The following PTGER3 variants were observed in gnomAD, a reference collection of about 807,000 sequenced individuals.
PTGER3 encodes the protein prostaglandin E2 receptor EP3 subtype.
A neutral mutation model predicts 34.7 loss-of-function variants in PTGER3; 22 were observed. The ratio of observed to expected loss-of-function variants is 0.63; its 90% CI spans 0.45 to 0.91. PTGER3 has a LOEUF of 0.91. PTGER3 is among the 40% of genes least tolerant of loss of function. The probability of loss-of-function intolerance (pLI) is 0.00; values close to 1 mark genes in which losing one functional copy is unlikely to be tolerated. For missense variants in PTGER3, 468 were observed against 519.4 expected (o/e 0.90, Z 0.96); for synonymous variants, 241 against 230.1 (o/e 1.05, Z -0.43).
intron 2 of PTGER3, among the ~76,000 whole-genome samples, chr1:70,991,876 C>A (rs537152437): frequency 1.9e-4 from 29 of 152,206 alleles, no homozygotes; most frequent in African/African-American, 7.0e-4. Context: ...TGTGTCCTTG[C>A]TCAAAGAAAT....
At chr1:70,952,757 C>G in exon 4 of PTGER3, 1 of 1,296,018 alleles carries the variant, frequency 7.7e-7, no homozygotes, top group South Asian at 2.5e-5. Context: ...CATGTTTGCC[C>G]AAATGACCTG....
intron 4 of PTGER3, among the ~76,000 whole-genome samples, chr1:70,889,363 C>T (rs569978931): frequency 2.9e-4 from 41 of 140,834 alleles, no homozygotes; most frequent in Non-Finnish European, 5.4e-4. Context: ...TGCAGTGAGC[C>T]GAGATCACGC....
chr1:70,874,236 T>G (rs1276592975), intron 4 of PTGER3, among the ~76,000 whole-genome samples: 3 of 152,204 alleles, frequency 2.0e-5, no homozygotes, highest in African/African-American at 7.2e-5. Context: ...CAGAACTGCA[T>G]GTACTCACAC....
chr1:71,006,616 A>G, intron 2 of PTGER3: 2 of 978,450 alleles, frequency 2.0e-6, no homozygotes, highest in Non-Finnish European at 2.4e-6. Flanking sequence ...AAGAAACATC[A>G]TGTTGAAAAT....
intron 2 of PTGER3, among the ~76,000 whole-genome samples, chr1:70,976,487 A>C (rs1467215566): frequency 6.6e-6 from 1 of 152,092 alleles, no homozygotes; most frequent in Non-Finnish European, 1.5e-5. Context: ...TCTGCTATGG[A>C]CTGCTCCAAA....
chr1:70,921,907 A>G (rs1380885775), intron 4 of PTGER3, among the ~76,000 whole-genome samples: 1 of 152,182 alleles, frequency 6.6e-6, no homozygotes. Context: ...AATAAGTTCT[A>G]AATCAAATAT....
At chr1:70,930,411 A>ACTCCC (rs1414942594) in intron 4 of PTGER3, among the ~76,000 whole-genome samples, 2 of 151,768 alleles carry the variant, frequency 1.3e-5, no homozygotes, top group African/African-American at 2.4e-5. Context: ...TATAATTCCC[A>ACTCCC]CTCCCAGGTC....
chr1:70,947,262 ATGT>A (rs1407795534), intron 4 of PTGER3: 1 of 152,106 alleles, frequency 6.6e-6, no homozygotes, highest in Non-Finnish European at 1.5e-5. Flanking sequence ...GAATTCCCAC[ATGT>A]TGTGGGAGGG....
At chr1:70,935,802 G>C (rs1390650266) in intron 4 of PTGER3, among the ~76,000 whole-genome samples, 2 of 151,718 alleles carry the variant, frequency 1.3e-5, no homozygotes, top group Admixed American at 1.3e-4. Flanking sequence ...GATGGGTGGA[G>C]ATTTCCAAGA....
intron 4 of PTGER3, among the ~76,000 whole-genome samples, chr1:70,924,501 G>A: frequency 6.6e-6 from 1 of 152,244 alleles, no homozygotes; most frequent in East Asian, 1.9e-4. Context: ...CAAGAGGGAT[G>A]GGTAATGTAA....
intron 4 of PTGER3, among the ~76,000 whole-genome samples, chr1:70,872,900 T>C (rs879680330): frequency 6.6e-6 from 1 of 152,198 alleles, no homozygotes; most frequent in Non-Finnish European, 1.5e-5. Flanking sequence ...TGTTCCAGAC[T>C]GTGTGATCCT....
At chr1:71,004,597 G>A (rs1048634255) in intron 2 of PTGER3, among the ~76,000 whole-genome samples, 15 of 152,224 alleles carry the variant, frequency 9.9e-5, no homozygotes, top group African/African-American at 3.6e-4. Context: ...GTCTGGAAAT[G>A]TGTACTTAAA....
intron 4 of PTGER3, among the ~76,000 whole-genome samples, chr1:70,893,539 A>C (rs1171025888): frequency 6.6e-6 from 1 of 152,224 alleles, no homozygotes; most frequent in African/African-American, 2.4e-5. Flanking sequence ...GCCTTATCCA[A>C]CTAGGTGACA....
chr1:70,886,398 A>G, intron 4 of PTGER3: 1 of 381,242 alleles, frequency 2.6e-6, no homozygotes, highest in Non-Finnish European at 5.3e-6. Context: ...TCCCAAACTG[A>G]CCAAAACAGG....
At chr1:70,995,520 A>C (rs1655856120) in intron 2 of PTGER3, among the ~76,000 whole-genome samples, 1 of 152,186 alleles carries the variant, frequency 6.6e-6, no homozygotes, top group South Asian at 2.1e-4. Flanking sequence ...GTGATATTTG[A>C]GCTGAAGTTT....
At position 70,971,439 on chromosome 1, in the gene PTGER3, G is replaced by A; in HGVS notation, c.*291C>T. The A allele has an allele frequency of 1.8e-6, 2 of 1,113,860 alleles. No homozygotes were observed. Among genetic ancestry groups the A allele is most frequent in the Non-Finnish European group, 2.2e-6 (2 of 912,142 alleles). 69.0% of individuals were successfully genotyped at this position (1,113,860 alleles called of 1,614,324 possible). On this transcript the variant is annotated 3_prime_UTR_variant, in exon 4 of 4. Coordinates refer to ENST00000306666, the MANE Select transcript of PTGER3 (RefSeq NM_198719.2). ...GTTGGAGAAAACTCCTGGAACACAG[G>A]TCTTTCTTTTCATCACTTTTCCTCC... is the stretch of plus-strand genomic sequence containing the variant.
At chr1:71,011,764 A>T (rs1299017383) in intron 2 of PTGER3, 2 of 987,534 alleles carry the variant, frequency 2.0e-6, no homozygotes, top group Non-Finnish European at 2.4e-6. Context: ...CTTTAATGTA[A>T]GGAGGAAAAA....
chr1:71,029,651 C>T (rs996138797), intron 1 of PTGER3, among the ~76,000 whole-genome samples: 24 of 152,022 alleles, frequency 1.6e-4, no homozygotes, highest in Admixed American at 1.3e-4. Context: ...TATGGCCGGG[C>T]GTGATGGCTC....
intron 2 of PTGER3, among the ~76,000 whole-genome samples, chr1:70,996,638 T>TA (rs1557724928): frequency 4.8e-4 from 42 of 86,932 alleles, no homozygotes; most frequent in Non-Finnish European, 8.0e-4. Flanking sequence ...TTTTTTTGTA[T>TA]TTTTATTTAT....
Sources: allele counts gnomAD v4.1 joint callset (sites outside exome capture counted in the v4.1 genomes callset), GRCh38; gene constraint gnomAD v4.1.1; transcripts MANE v1.5; gene names NCBI Gene and HGNC (gene_info 2026-07-23, HGNC 2026-07-21).